CSMD1: variants seen among roughly 807,000 people sequenced by gnomAD.
The protein encoded by CSMD1 is CUB and Sushi multiple domains 1.
CSMD1 carries 213 observed loss-of-function variants against 417.5 expected under a neutral mutation model. The observed-to-expected ratio is 0.51, with a 90% CI of 0.46 to 0.57. CSMD1 has a LOEUF of 0.57. Among genes scored for constraint, CSMD1 ranks in the 20% least tolerant of loss-of-function variants. The pLI, the probability that CSMD1 is intolerant of heterozygous loss-of-function variation, is 0.00. For missense variants in CSMD1, 6,923 were observed against 4,529.7 expected, an observed-to-expected ratio of 1.53 and a Z score of -15.17; for synonymous variants, 2,862 against 1,736.8, an observed-to-expected ratio of 1.65 and a Z score of -16.11.
intron 20 of CSMD1, among the ~76,000 whole-genome samples, chr8:3,365,653 A>T (rs1402808223): frequency 6.6e-6 from 1 of 152,220 alleles, no homozygotes; most frequent in African/African-American, 2.4e-5. Flanking sequence ...CACAAAATAT[A>T]TGTAGATACT....
chr8:3,961,818 C>G (rs928781115), intron 5 of CSMD1, among the ~76,000 whole-genome samples: 2 of 152,136 alleles, frequency 1.3e-5, no homozygotes, highest in Non-Finnish European at 2.9e-5. Context: ...GCTAGAAATG[C>G]TATTAAATAA....
At chr8:2,956,104 A>T (rs1802991037) in intron 63 of CSMD1, among the ~76,000 whole-genome samples, 1 of 152,046 alleles carries the variant, frequency 6.6e-6, no homozygotes, top group Non-Finnish European at 1.5e-5. Flanking sequence ...TGAAATAAAA[A>T]CACTTCTGCT....
chr8:4,434,684 G>C (rs914264648), intron 2 of CSMD1, among the ~76,000 whole-genome samples: 1 of 152,142 alleles, frequency 6.6e-6, no homozygotes, highest in Non-Finnish European at 1.5e-5. Flanking sequence ...GACTGGAAAG[G>C]AACAAAGAGT....
intron 2 of CSMD1, among the ~76,000 whole-genome samples, chr8:4,446,138 G>A (rs140148340): frequency 1.3e-5 from 2 of 152,164 alleles, no homozygotes; most frequent in African/African-American, 2.4e-5. Context: ...CGTTACATAC[G>A]TGAGTTTTGA....
chr8:4,510,396 A>AAAAAAAAAAAG, intron 2 of CSMD1, among the ~76,000 whole-genome samples: 1 of 34,852 alleles, frequency 2.9e-5, no homozygotes, highest in African/African-American at 7.7e-5. Context: ...TGCCTAAAAA[A>AAAAAAAAAAAG]AAAAAAAAAA....
intron 27 of CSMD1, among the ~76,000 whole-genome samples, chr8:3,229,107 A>T (rs764045105): frequency 6.6e-6 from 1 of 152,262 alleles, no homozygotes; most frequent in Admixed American, 6.5e-5. Flanking sequence ...CCCCAAGACC[A>T]CTGAGAATTT....
chr8:4,056,739 T>C (rs998433424), intron 3 of CSMD1, among the ~76,000 whole-genome samples: 28 of 151,250 alleles, frequency 1.9e-4, no homozygotes, highest in African/African-American at 6.6e-4. Context: ...CCTGTGTCCA[T>C]GCGTTCTCAT....
At chr8:4,873,892 A>G (rs1292525738) in intron 1 of CSMD1, among the ~76,000 whole-genome samples, 2 of 152,130 alleles carry the variant, frequency 1.3e-5, no homozygotes, top group Non-Finnish European at 2.9e-5. Flanking sequence ...CTTTTAGACA[A>G]GGCAATTAGA....
chr8:4,476,888 G>A (rs1800829694), intron 2 of CSMD1, among the ~76,000 whole-genome samples: 1 of 152,090 alleles, frequency 6.6e-6, no homozygotes, highest in South Asian at 2.1e-4. Context: ...TTTTTGTGAA[G>A]GAAAAATCCC....
intron 10 of CSMD1, among the ~76,000 whole-genome samples, chr8:3,503,269 C>G (rs989258683): frequency 3.9e-5 from 6 of 152,146 alleles, no homozygotes; most frequent in African/African-American, 1.4e-4. Context: ...AGATGTTTAG[C>G]CCCACATATA....
At chr8:4,101,534 C>A (rs1249708514) in intron 3 of CSMD1, among the ~76,000 whole-genome samples, 1 of 152,110 alleles carries the variant, frequency 6.6e-6, no homozygotes, top group Non-Finnish European at 1.5e-5. Context: ...AGGAAACATA[C>A]CTAAAAAATT....
intron 1 of CSMD1, among the ~76,000 whole-genome samples, chr8:4,701,313 G>T (rs867596331): frequency 6.1e-5 from 6 of 98,366 alleles, no homozygotes; most frequent in African/African-American, 3.3e-4. Context: ...TCCTTCCTTT[G>T]ATGCTTTTTT....
At chr8:4,192,414 G>C (rs934343208) in intron 3 of CSMD1, among the ~76,000 whole-genome samples, 1 of 152,082 alleles carries the variant, frequency 6.6e-6, no homozygotes, top group African/African-American at 2.4e-5. Flanking sequence ...GGAACATCAA[G>C]AGGCCACCAT....
At chr8:2,940,758 C>G (rs1283720947) in intron 69 of CSMD1, among the ~76,000 whole-genome samples, 2 of 152,088 alleles carry the variant, frequency 1.3e-5, no homozygotes, top group Non-Finnish European at 2.9e-5. Context: ...CAATCCCAGT[C>G]TTATATGAAG....
intron 26 of CSMD1, among the ~76,000 whole-genome samples, chr8:3,245,270 C>A (rs1346488779): frequency 1.3e-5 from 2 of 152,172 alleles, no homozygotes; most frequent in Non-Finnish European, 2.9e-5. Flanking sequence ...GCACATCCTG[C>A]CACCCTGAGA....
At chr8:3,551,811 C>A (rs118187716) in intron 10 of CSMD1, among the ~76,000 whole-genome samples, 1 of 152,004 alleles carries the variant, frequency 6.6e-6, no homozygotes, top group Non-Finnish European at 1.5e-5. Context: ...GTGTGACATG[C>A]AGTACCTGCA....
intron 5 of CSMD1, among the ~76,000 whole-genome samples, chr8:3,982,377 C>G (rs191859684): frequency 1.3e-5 from 2 of 151,530 alleles, no homozygotes; most frequent in African/African-American, 2.4e-5. Flanking sequence ...TACAAACCTC[C>G]ATGGTTGTTA....
intron 4 of CSMD1, among the ~76,000 whole-genome samples, chr8:4,002,150 A>C (rs1815731993): frequency 6.6e-6 from 1 of 152,152 alleles, no homozygotes; most frequent in African/African-American, 2.4e-5. Context: ...AAAATGCTTA[A>C]ATCACAGAAA....
Position 4,052,515 on chromosome 8 carries a change from A to T in CSMD1, c.416-20416T>A, listed in dbSNP as rs192217075. Among the ~76,000 whole-genome samples the T allele has an allele frequency of 2.9e-3, 443 of 152,282 alleles. 2 individuals carry two copies. Among genetic ancestry groups the T allele is most frequent in the African/African-American group, 0.01 (425 of 41,572 alleles). On this transcript the variant is annotated intron_variant, in intron 3 of 69. Coordinates refer to ENST00000635120, the MANE Select transcript of CSMD1 (RefSeq NM_033225.6). ...AGTGCAGTGGGAGATCAGCATCTCC[A>T]AATTTAGTTTGCTAGAACGTCAATG...
Sources: gnomAD v4.1 joint callset for allele counts (sites outside exome capture counted in the v4.1 genomes callset) on GRCh38, gnomAD v4.1.1 for gene constraint, MANE v1.5 for transcripts, NCBI Gene and HGNC (gene_info 2026-07-23, HGNC 2026-07-21) for gene names.